The following CDC5L variants were observed in gnomAD, a reference collection of about 807,000 sequenced individuals.
CDC5L encodes the protein cell division cycle 5 like, also known as cell division cycle 5-like protein.
Under a neutral mutation model 104.1 loss-of-function variants are expected in CDC5L, and 18 were observed. The ratio of observed to expected loss-of-function variants is 0.17; its 90% CI spans 0.12 to 0.26. The LOEUF (loss-of-function observed/expected upper bound fraction) is 0.26. Ranked by LOEUF, CDC5L falls within the 10% of genes least tolerant of loss-of-function variation. The probability of loss-of-function intolerance (pLI) is 1.00; values close to 1 mark genes in which losing one functional copy is unlikely to be tolerated. For missense variants in CDC5L, 673 were observed against 956.9 expected (o/e 0.70, Z 3.91); for synonymous variants, 331 against 322.7 (o/e 1.03, Z -0.28).
chr6:44,416,342 T>C (rs1002010342), intron 8 of CDC5L, among the ~76,000 whole-genome samples: 1 of 152,172 alleles, frequency 6.6e-6, no homozygotes, highest in African/African-American at 2.4e-5. Context: ...TGGAGGGTTG[T>C]TGACTCTTTG....
chr6:44,408,222 G>T (rs1295291051), intron 7 of CDC5L, among the ~76,000 whole-genome samples: 1 of 150,918 alleles, frequency 6.6e-6, no homozygotes, highest in Non-Finnish European at 1.5e-5. Flanking sequence ...CATTTTTCTG[G>T]AATATGGAAA....
intron 1 of CDC5L, 124 bp downstream of exon 1, chr6:44,387,992 G>T (rs1284679012): frequency 1.2e-6 from 1 of 851,862 alleles, no homozygotes. Context: ...CAGCCCGGGG[G>T]CTGACCCTTG....
At chr6:44,404,168 A>C in intron 6 of CDC5L, 141 bp downstream of exon 6, 1 of 520,404 alleles carries the variant, frequency 1.9e-6, no homozygotes, top group South Asian at 3.3e-5. Context: ...TTTTTGAGAC[A>C]GGGTCTTGCT....
At chr6:44,403,230 A>G (rs1791211030) in intron 5 of CDC5L, among the ~76,000 whole-genome samples, 1 of 151,778 alleles carries the variant, frequency 6.6e-6, no homozygotes, top group Non-Finnish European at 1.5e-5. Flanking sequence ...TTAATTTGTG[A>G]TTCTTTAATT....
intron 14 of CDC5L, among the ~76,000 whole-genome samples, chr6:44,432,758 C>G (rs1353259791): frequency 6.6e-6 from 1 of 152,158 alleles, no homozygotes; most frequent in Admixed American, 6.5e-5. Context: ...GAAAAGACTT[C>G]TGAATTGTAA....
At chr6:44,419,378 G>T in intron 8 of CDC5L, 71 bp from the exon 9 acceptor site, 10 of 1,445,042 alleles carry the variant, frequency 6.9e-6, no homozygotes, top group Middle Eastern at 1.8e-4. Flanking sequence ...GATTGGTATA[G>T]TAGGACCAGA....
At chr6:44,438,562 A>G (rs1793040443) in intron 14 of CDC5L, among the ~76,000 whole-genome samples, 1 of 152,158 alleles carries the variant, frequency 6.6e-6, no homozygotes, top group African/African-American at 2.4e-5. Flanking sequence ...CCACTGGCGT[A>G]AAAAGACATA....
chr6:44,406,230 T>G (rs907907065), intron 6 of CDC5L, 93 bp from the exon 7 acceptor site: 9 of 929,226 alleles, frequency 9.7e-6, no homozygotes, highest in Admixed American at 8.6e-5. Context: ...GAAATGAGGT[T>G]GTTTGTTCAA....
intron 8 of CDC5L, 72 bp downstream of exon 8, chr6:44,408,704 A>G: frequency 1.7e-6 from 2 of 1,161,054 alleles, no homozygotes; most frequent in South Asian, 1.9e-5. Flanking sequence ...CAGGAGAACT[A>G]AGCGGTTTGG....
chr6:44,445,576 G>T (rs139026236), intron 14 of CDC5L, 79 bp from the exon 15 acceptor site: 2 of 932,194 alleles, frequency 2.1e-6, no homozygotes, highest in Non-Finnish European at 3.3e-6. Flanking sequence ...ATACATGAAC[G>T]CATGGTACCT....
At chr6:44,434,849 T>TA (rs1792853582) in intron 14 of CDC5L, among the ~76,000 whole-genome samples, 1 of 152,204 alleles carries the variant, frequency 6.6e-6, no homozygotes. Flanking sequence ...AGGAAACACT[T>TA]ATGGTTCCAC....
At position 44,422,657 on chromosome 6, in the gene CDC5L, A is replaced by G. The variant is rs1344291081; in HGVS notation, c.1252A>G (p.Asn418Asp). The G allele has an allele frequency of 1.2e-6, 2 of 1,606,060 alleles. No individual in the cohort carries two copies. The highest frequency in any genetic ancestry group is 1.7e-6 in the Non-Finnish European group (2 of 1,176,356). The change falls in exon 10 of 16, where the codon AAT becomes GAT. Residue 418 changes from asparagine (N) to aspartate (D), a missense_variant. Physicochemically the swap from Asn to Asp is conservative, Grantham distance 23. Transcript: ENST00000371477. ...VLSTPFRTPS[N>D]GAEGLTPRSG... The stretch of plus-strand genomic sequence containing the variant: ...TTCCTGTCTTTCTAGGACTCCTTCT[A>G]ATGGAGCTGAAGGGCTGACTCCCCG...
chr6:44,388,005 G>A, intron 1 of CDC5L, 137 bp downstream of exon 1: 2 of 740,248 alleles, frequency 2.7e-6, no homozygotes, highest in African/African-American at 1.8e-5. Context: ...GACCCTTGGG[G>A]CCCTTTCCGT....
chr6:44,403,704 C>T (rs1791237363), intron 5 of CDC5L, 105 bp from the exon 6 acceptor site: 2 of 777,204 alleles, frequency 2.6e-6, no homozygotes, highest in Non-Finnish European at 4.0e-6. Context: ...ATTTAAATAA[C>T]TATTTCTTCC....
At chr6:44,430,098 G>T (rs528579822) in intron 14 of CDC5L, among the ~76,000 whole-genome samples, 188 bp downstream of exon 14, 36 of 150,766 alleles carry the variant, frequency 2.4e-4, no homozygotes, top group Admixed American at 1.5e-3. Flanking sequence ...TGTTTGTTTT[G>T]TTTTTGTTTT....
At chr6:44,428,848 A>G (rs909390081) in intron 13 of CDC5L, among the ~76,000 whole-genome samples, 1 of 152,134 alleles carries the variant, frequency 6.6e-6, no homozygotes, top group African/African-American at 2.4e-5. Flanking sequence ...CATGTGACAA[A>G]AAGATGCCTA....
chr6:44,427,638 T>C (rs1041585509), intron 13 of CDC5L, among the ~76,000 whole-genome samples: 2 of 152,210 alleles, frequency 1.3e-5, no homozygotes, highest in African/African-American at 2.4e-5. Flanking sequence ...GATTTATATT[T>C]CAATAACTTG....
intron 8 of CDC5L, among the ~76,000 whole-genome samples, chr6:44,419,198 G>C (rs920418059): frequency 6.6e-6 from 1 of 152,096 alleles, no homozygotes; most frequent in African/African-American, 2.4e-5. Flanking sequence ...AAGGGATCCA[G>C]TTTCAGCTTT....
chr6:44,426,069 A>G (rs773997510), intron 11 of CDC5L, 34 bp from the exon 12 acceptor site: 1 of 1,424,154 alleles, frequency 7.0e-7, no homozygotes. Context: ...AATACGCTAT[A>G]GCTGCAATAA....
Sources: allele counts gnomAD v4.1 joint callset (sites outside exome capture counted in the v4.1 genomes callset), GRCh38; gene constraint gnomAD v4.1.1; transcripts MANE v1.5; gene names NCBI Gene and HGNC (gene_info 2026-07-23, HGNC 2026-07-21).